Variants in PRORP observed in about 807,000 individuals in gnomAD.
The protein encoded by PRORP is mitochondrial ribonuclease P catalytic subunit.
Under a neutral mutation model 59.4 loss-of-function variants are expected in PRORP, and 51 were observed. The ratio of observed to expected loss-of-function variants is 0.86; its 90% CI spans 0.69 to 1.08. PRORP has a LOEUF of 1.08. Ranked by LOEUF, PRORP falls within the 50% of genes least tolerant of loss-of-function variation. PRORP has a pLI of 0.00. For synonymous variants in PRORP, 231 were observed against 245.6 expected (o/e 0.94, Z 0.55); for missense variants, 646 against 690.3 (o/e 0.94, Z 0.72).
chr14:35,154,348 TC>T (rs2047857824), intron 4 of PRORP, among the ~76,000 whole-genome samples: 1 of 152,206 alleles, frequency 6.6e-6, no homozygotes, highest in South Asian at 2.1e-4. Context: ...AGTCTACCTT[TC>T]TCCTTTCCTT....
At chr14:35,231,949 A>G (rs56380926) in intron 5 of PRORP, among the ~76,000 whole-genome samples, 24,973 of 152,220 alleles carry the variant, frequency 0.16, 2,434 homozygotes, top group Middle Eastern at 0.23. Flanking sequence ...CTAAAGCACA[A>G]TATATAGTCA....
At chr14:35,158,986 A>C in intron 4 of PRORP, 1 of 354,326 alleles carries the variant, frequency 2.8e-6, no homozygotes, top group East Asian at 8.5e-5. Context: ...GAGATTGGCA[A>C]ATCCCACACA....
chr14:35,259,179 A>T (rs2050835086), intron 5 of PRORP, among the ~76,000 whole-genome samples: 1 of 152,012 alleles, frequency 6.6e-6, no homozygotes, highest in South Asian at 2.1e-4. Flanking sequence ...TCTTAGATTG[A>T]CCCTGTTACC....
intron 4 of PRORP, among the ~76,000 whole-genome samples, chr14:35,152,949 G>A (rs1364558167): frequency 6.6e-6 from 1 of 152,162 alleles, no homozygotes; most frequent in Non-Finnish European, 1.5e-5. Flanking sequence ...CCAGACGATG[G>A]GCGGCCAGGC....
chr14:35,132,725 T>G (rs1216812414), intron 4 of PRORP, among the ~76,000 whole-genome samples: 2 of 149,354 alleles, frequency 1.3e-5, no homozygotes, highest in African/African-American at 5.0e-5. Flanking sequence ...AAGCGGAGGT[T>G]GTAGTGAGCC....
At chr14:35,185,583 T>C (rs997094423) in intron 5 of PRORP, among the ~76,000 whole-genome samples, 2 of 152,178 alleles carry the variant, frequency 1.3e-5, no homozygotes, top group Non-Finnish European at 2.9e-5. Context: ...TACCTTCCCA[T>C]AGACATTCAA....
chr14:35,253,342 AAAG>A (rs1282924687), intron 5 of PRORP, among the ~76,000 whole-genome samples: 4 of 143,540 alleles, frequency 2.8e-5, no homozygotes, highest in African/African-American at 7.7e-5. Flanking sequence ...AAAAAAAAAA[AAAG>A]AGAGAGAGAG....
intron 5 of PRORP, among the ~76,000 whole-genome samples, chr14:35,207,244 G>A (rs1055496236): frequency 6.6e-6 from 1 of 152,076 alleles, no homozygotes; most frequent in Admixed American, 6.5e-5. Flanking sequence ...TTGCCTACAC[G>A]CTTTAACTCT....
At chr14:35,236,322 T>C (rs2050213020) in intron 5 of PRORP, among the ~76,000 whole-genome samples, 1 of 152,200 alleles carries the variant, frequency 6.6e-6, no homozygotes, top group Non-Finnish European at 1.5e-5. Flanking sequence ...GCTTTTCTGA[T>C]TCTCTTGGAT....
intron 5 of PRORP, among the ~76,000 whole-genome samples, chr14:35,183,221 T>TACATAC (rs140396023): frequency 4.6e-5 from 7 of 150,552 alleles, no homozygotes; most frequent in African/African-American, 1.7e-4. Flanking sequence ...CATACATACA[T>TACATAC]ACACACACAC....
At chr14:35,166,128 T>G (rs1274917153) in intron 4 of PRORP, among the ~76,000 whole-genome samples, 1 of 152,156 alleles carries the variant, frequency 6.6e-6, no homozygotes, top group African/African-American at 2.4e-5. Context: ...TCCATAATGT[T>G]CTTTTTCTTA....
At chr14:35,156,267 C>A (rs2047911672) in intron 4 of PRORP, among the ~76,000 whole-genome samples, 1 of 152,174 alleles carries the variant, frequency 6.6e-6, no homozygotes, top group Non-Finnish European at 1.5e-5. Flanking sequence ...AGATCTCCGG[C>A]ACATTTCCTC....
In PRORP at chr14:35,123,694, G is replaced by T; in HGVS notation, c.449G>T (p.Gly150Val). The T allele has an allele frequency of 3.1e-6, 5 of 1,614,214 alleles. No individual in the cohort carries two copies. The highest frequency in any genetic ancestry group is 3.4e-6 in the Non-Finnish European group (4 of 1,180,044). Residue 150 changes from glycine to valine, a missense_variant, in exon 2 of 8, where the codon GGC becomes GTC. By Grantham distance (109) the Gly-to-Val change is moderately radical. Transcript: ENST00000534898. ...AGTTGGATCATTTCACAGATGGCTG[G>T]CTGTCATAGCTCTATAGATGTGGCT... is the stretch of plus-strand genomic sequence containing the variant. ...FESWIISQMA[G>V]CHSSIDVAKS...
At position 35,261,186 on chromosome 14, in the gene PRORP, A is replaced by T. The variant is rs184274345; in HGVS notation, c.1276-5541A>T. Among the ~76,000 whole-genome samples the T allele has an allele frequency of 5.9e-5, 9 of 152,280 alleles. No individual in the cohort carries two copies. The East Asian group carries it at 1.5e-3, about 26-fold the overall frequency. On this transcript the variant is annotated intron_variant, in intron 5 of 7. Coordinates refer to ENST00000534898, the MANE Select transcript of PRORP (RefSeq NM_014672.4). ...TTCTTCAGCTCCAATTCTGAGATCT[A>T]TGTGGCAAAAAGAAAACCCAGGGAA...
Position 35,127,534 on chromosome 14 carries a change from G to A in PRORP, c.1090G>A (p.Glu364Lys). The change falls in exon 4 of 8, where the codon GAA becomes AAA. Residue 364 changes from glutamate (E) to lysine (K), a missense_variant. Physicochemically the swap from Glu to Lys is moderately conservative, Grantham distance 56. Transcript: ENST00000534898. ...AGAGTCTATTCAGCTGAGTCCAGAA[G>A]AATATGAATGTCTTAAGGGAAAAAT... is the stretch of plus-strand genomic sequence containing the variant. ...TIESIQLSPE[E>K]YECLKGKIMR... 1 of 1,613,774 alleles carries A rather than the reference G, an allele frequency of 6.2e-7. No individual in the cohort carries two copies.
intron 5 of PRORP, among the ~76,000 whole-genome samples, chr14:35,197,692 G>T (rs749775852): frequency 6.6e-6 from 1 of 152,064 alleles, no homozygotes; most frequent in Non-Finnish European, 1.5e-5. Flanking sequence ...TATTCACTCT[G>T]CCAACTCAAG....
At chr14:35,161,035 G>A (rs116504682) in intron 4 of PRORP, among the ~76,000 whole-genome samples, 213 of 151,702 alleles carry the variant, frequency 1.4e-3, no homozygotes, top group African/African-American at 4.7e-3. Context: ...GTTAGGTTAT[G>A]GGTCCTTTCA....
rs1555326791 is a variant in PRORP at position 35,188,961 on chromosome 14, A to AAAGAAAG, written c.1275+8186_1275+8187insGAAAGAA. Among the ~76,000 whole-genome samples, 153 of 132,760 alleles carry AAAGAAAG rather than the reference A, an allele frequency of 1.2e-3. 12 individuals carry two copies. Among genetic ancestry groups the AAAGAAAG allele is most frequent in the Middle Eastern group, 3.8e-3 (1 of 260 alleles). The allele number at this position is 132,760 out of a possible 152,430, so 87.1% of individuals were successfully genotyped here. On this transcript the variant is annotated intron_variant, in intron 5 of 7. Transcript: ENST00000534898. Reference sequence around the variant, plus strand: ...CTGTCTAAAAAAAAAAAAAAAAAAAAAAAGTATTGCCTAATCCAAGGTCAT... The same window carrying AAAGAAAG: ...CTGTCTAAAAAAAAAAAAAAAAAAAAAAGAAAGAAAGTATTGCCTAATCCAAGGTCAT...
At chr14:35,242,055 A>T (rs529466107) in intron 5 of PRORP, among the ~76,000 whole-genome samples, 18 of 152,288 alleles carry the variant, frequency 1.2e-4, no homozygotes, top group African/African-American at 4.3e-4. Flanking sequence ...CAGAAAAGGT[A>T]CACACATTTG....
Sources: allele counts gnomAD v4.1 joint callset (sites outside exome capture counted in the v4.1 genomes callset), GRCh38; gene constraint gnomAD v4.1.1; transcripts MANE v1.5; gene names NCBI Gene and HGNC (gene_info 2026-07-23, HGNC 2026-07-21).